MTBP: variants seen among roughly 807,000 people sequenced by gnomAD.
MTBP encodes the protein MDM2 binding protein.
In MTBP, 101 loss-of-function variants were observed where a neutral mutation model predicts 117.0. The observed-to-expected ratio is 0.86, with a 90% CI of 0.73 to 1.02. The LOEUF (loss-of-function observed/expected upper bound fraction) is 1.02, where lower values mean the gene tolerates loss of function less well. Ranked by LOEUF, MTBP falls within the 50% of genes least tolerant of loss-of-function variation. The probability of loss-of-function intolerance (pLI) is 0.00; values close to 1 mark genes in which losing one functional copy is unlikely to be tolerated. For missense variants in MTBP, 970 were observed against 1,030.9 expected (o/e 0.94, Z 0.81); for synonymous variants, 350 against 351.5 (o/e 1.00, Z 0.05).
At chr8:120,449,020 C>CAG (rs1234678544) in intron 2 of MTBP, among the ~76,000 whole-genome samples, 1 of 152,106 alleles carries the variant, frequency 6.6e-6, no homozygotes, top group Non-Finnish European at 1.5e-5. Context: ...GAGACATGAT[C>CAG]AGATCTGTGC....
intron 11 of MTBP, among the ~76,000 whole-genome samples, chr8:120,484,445 A>G (rs1165624579): frequency 1.3e-5 from 2 of 152,234 alleles, no homozygotes; most frequent in East Asian, 3.9e-4. Context: ...AACTGTAGCT[A>G]TTGTAATAAA....
At chr8:120,495,303 T>C (rs1814428050) in intron 13 of MTBP, among the ~76,000 whole-genome samples, 1 of 152,180 alleles carries the variant, frequency 6.6e-6, no homozygotes, top group Non-Finnish European at 1.5e-5. Context: ...CAAATATAAT[T>C]CCTATTCTTT....
At chr8:120,487,936 A>C (rs542250777) in intron 11 of MTBP, among the ~76,000 whole-genome samples, 5 of 152,366 alleles carry the variant, frequency 3.3e-5, no homozygotes, top group Admixed American at 2.6e-4. Context: ...GAATGAGTAC[A>C]CATACTTTTA....
At chr8:120,488,887 C>G (rs1354230539) in intron 12 of MTBP, among the ~76,000 whole-genome samples, 2 of 152,144 alleles carry the variant, frequency 1.3e-5, no homozygotes, top group Non-Finnish European at 2.9e-5. Context: ...GAAGATTCCA[C>G]AGGACTTGAT....
chr8:120,507,022 T>G (rs1369044896), intron 16 of MTBP, among the ~76,000 whole-genome samples, 161 bp downstream of exon 16: 2 of 152,156 alleles, frequency 1.3e-5, no homozygotes, highest in African/African-American at 2.4e-5. Context: ...ACTTTTTACC[T>G]TATCAAAATA....
chr8:120,474,453 A>C (rs1449031678), intron 11 of MTBP, among the ~76,000 whole-genome samples: 1 of 151,932 alleles, frequency 6.6e-6, no homozygotes, highest in Admixed American at 6.6e-5. Context: ...AAAACTTCCT[A>C]TCCCTTCCTA....
At position 120,451,153 on chromosome 8, in the gene MTBP, A is replaced by T. The variant is rs1217589784; in HGVS notation, c.274-18A>T. On this transcript the variant is annotated intron_variant, in intron 3 of 21. Transcript: ENST00000305949. ...AATTTCATGATCCATTATTTAATAC[A>T]ATCTTTTGATTTGTTAGTTTTGTAG... The T allele has an allele frequency of 8.8e-6, 14 of 1,591,480 alleles. No homozygotes were observed. The highest frequency in any genetic ancestry group is 1.7e-5 in the Admixed American group (1 of 57,164).
intron 9 of MTBP, among the ~76,000 whole-genome samples, chr8:120,462,043 G>T (rs779799047): frequency 8.5e-5 from 13 of 152,166 alleles, no homozygotes; most frequent in Non-Finnish European, 1.8e-4. Context: ...AAGAGTAGTG[G>T]TTTTTTGGCT....
At chr8:120,510,060 T>C in intron 17 of MTBP, 31 bp downstream of exon 17, 2 of 1,442,336 alleles carry the variant, frequency 1.4e-6, no homozygotes, top group East Asian at 2.3e-5. Context: ...TACTCTTCTG[T>C]ATGTTGTTGA....
At chr8:120,503,853 G>A (rs1193253529) in intron 15 of MTBP, among the ~76,000 whole-genome samples, 1 of 152,098 alleles carries the variant, frequency 6.6e-6, no homozygotes, top group Non-Finnish European at 1.5e-5. Context: ...ATTAGATGTG[G>A]AATAGAGGGA....
At chr8:120,447,959 CTT>C in intron 2 of MTBP, among the ~76,000 whole-genome samples, 1 of 151,662 alleles carries the variant, frequency 6.6e-6, no homozygotes, top group African/African-American at 2.4e-5. Context: ...CAGGGTCCCA[CTT>C]TGTTGCTCAG....
chr8:120,454,509 G>A (rs1017326291), intron 5 of MTBP, among the ~76,000 whole-genome samples: 5 of 151,856 alleles, frequency 3.3e-5, no homozygotes, highest in East Asian at 1.9e-4. Context: ...GTTGGTATCC[G>A]CAAATACTTT....
In MTBP at chr8:120,518,717, T is replaced by C; in HGVS notation, c.2510T>C (p.Val837Ala). The change falls in exon 20 of 22, where the codon GTA becomes GCA. Residue 837 changes from valine (V) to alanine (A), a missense_variant. Physicochemically the swap from Val to Ala is moderately conservative, Grantham distance 64. Coordinates refer to ENST00000305949, the MANE Select transcript of MTBP (RefSeq NM_022045.5). ...GTTCTGTTCAAGATACTGAAAGAAGTAGTTACTGAAACCCTGAAGAAACAC... is the reference window on the plus strand; with the variant it reads ...GTTCTGTTCAAGATACTGAAAGAAGCAGTTACTGAAACCCTGAAGAAACAC... ...SQKHTRILKE[V>A]VTETLKKHSI... is the part of the protein sequence containing the mutation. 6.2e-7 allele frequency: 1 copy of C among 1,606,316 alleles called. No individual in the cohort carries two copies. The highest frequency in any genetic ancestry group is 8.5e-7 in the Non-Finnish European group (1 of 1,174,560).
chr8:120,475,361 G>C (rs543213816), intron 11 of MTBP, among the ~76,000 whole-genome samples: 8 of 152,002 alleles, frequency 5.3e-5, no homozygotes, highest in African/African-American at 1.7e-4. Flanking sequence ...AATGAGTGAA[G>C]TATATATTTC....
Position 120,455,166 on chromosome 8 carries a change from A to G in MTBP, c.485-269A>G, listed in dbSNP as rs563942060. ...TGCAGAATTGGCAAGTAATTATGAT[A>G]TAGTTTATTGTTTTCTAGTATATGC... On this transcript the variant is annotated intron_variant, in intron 5 of 21. Transcript: ENST00000305949. Among the ~76,000 whole-genome samples, 8 of 152,000 alleles carry G rather than the reference A, an allele frequency of 5.3e-5. No individual in the cohort carries two copies. The East Asian group carries it at 1.5e-3, about 29-fold the overall frequency.
intron 1 of MTBP, 43 bp from the exon 2 acceptor site, chr8:120,446,390 T>C: frequency 8.3e-7 from 1 of 1,204,502 alleles, no homozygotes; most frequent in Non-Finnish European, 1.2e-6. Context: ...TTAGATTATG[T>C]AAATCTAGAG....
chr8:120,480,930 CCA>C (rs1814069956), intron 11 of MTBP, among the ~76,000 whole-genome samples: 1 of 152,060 alleles, frequency 6.6e-6, no homozygotes, highest in African/African-American at 2.4e-5. Flanking sequence ...GAAAATAGTT[CCA>C]GTCGTATATC....
intron 11 of MTBP, among the ~76,000 whole-genome samples, chr8:120,482,261 GA>G (rs903654610): frequency 1.3e-5 from 2 of 151,824 alleles, no homozygotes; most frequent in Admixed American, 6.6e-5. Flanking sequence ...CTTTGAGGCA[GA>G]AAAAAAATTG....
intron 15 of MTBP, among the ~76,000 whole-genome samples, chr8:120,504,368 A>G (rs183162654): frequency 9.9e-5 from 15 of 152,256 alleles, no homozygotes; most frequent in Non-Finnish European, 1.5e-5. Context: ...TATTTGCAGT[A>G]TACAAGTCTT....
Sources: allele counts gnomAD v4.1 joint callset (sites outside exome capture counted in the v4.1 genomes callset), GRCh38; gene constraint gnomAD v4.1.1; transcripts MANE v1.5; gene names NCBI Gene and HGNC (gene_info 2026-07-23, HGNC 2026-07-21).